FNDC3B: variants seen among roughly 807,000 people sequenced by gnomAD.
The protein encoded by FNDC3B is fibronectin type III domain-containing protein 3B.
A neutral mutation model predicts 151.5 loss-of-function variants in FNDC3B; 12 were observed. The ratio of observed to expected loss-of-function variants is 0.08; its 90% CI spans 0.05 to 0.13. The LOEUF is 0.13. Among genes scored for constraint, FNDC3B ranks in the 10% least tolerant of loss-of-function variants. The pLI is 1.00. For synonymous variants in FNDC3B, 528 were observed against 549.0 expected (o/e 0.96, Z 0.54); for missense variants, 1,214 against 1,505.3 (o/e 0.81, Z 3.20).
chr3:172,345,301 G>A (rs753163699), intron 19 of FNDC3B, among the ~76,000 whole-genome samples: 32 of 152,196 alleles, frequency 2.1e-4, no homozygotes, highest in Non-Finnish European at 4.4e-5. Context: ...AAGATGGATA[G>A]TGATGAGCAC....
At chr3:172,188,002 T>TG (rs1327215573) in intron 3 of FNDC3B, among the ~76,000 whole-genome samples, 2 of 151,488 alleles carry the variant, frequency 1.3e-5, no homozygotes, top group Admixed American at 6.6e-5. Context: ...AGCAGTTTTT[T>TG]TTTTTTTTTT....
At chr3:172,116,648 A>C (rs1018424835) in intron 2 of FNDC3B, among the ~76,000 whole-genome samples, 1 of 152,074 alleles carries the variant, frequency 6.6e-6, no homozygotes, top group East Asian at 1.9e-4. Flanking sequence ...TCACTGCAAC[A>C]TCCACCTTCC....
intron 2 of FNDC3B, among the ~76,000 whole-genome samples, chr3:172,130,129 A>G (rs951606570): frequency 1.3e-5 from 2 of 152,136 alleles, no homozygotes; most frequent in African/African-American, 4.8e-5. Flanking sequence ...CAGCTCATTC[A>G]TGTCTGCTGT....
At chr3:172,286,515 C>A (rs1730026317) in intron 7 of FNDC3B, among the ~76,000 whole-genome samples, 1 of 152,142 alleles carries the variant, frequency 6.6e-6, no homozygotes, top group Non-Finnish European at 1.5e-5. Flanking sequence ...GTTGATTCAG[C>A]CTTTCATCTG....
intron 5 of FNDC3B, among the ~76,000 whole-genome samples, chr3:172,250,374 A>G (rs1339532258): frequency 6.6e-6 from 1 of 152,090 alleles, no homozygotes; most frequent in Non-Finnish European, 1.5e-5. Context: ...ATTTCCCCTG[A>G]TTCTGTGAGC....
At chr3:172,234,832 C>T (rs1276390569) in intron 4 of FNDC3B, among the ~76,000 whole-genome samples, 1 of 151,938 alleles carries the variant, frequency 6.6e-6, no homozygotes, top group Non-Finnish European at 1.5e-5. Context: ...AGAAAAATAC[C>T]TTTTTCTGAC....
intron 5 of FNDC3B, among the ~76,000 whole-genome samples, chr3:172,249,406 C>T (rs1359670654): frequency 6.6e-6 from 1 of 152,046 alleles, no homozygotes; most frequent in Non-Finnish European, 1.5e-5. Context: ...GGGTCTAATT[C>T]CATTAAAATA....
chr3:172,204,424 T>A (rs1026368705), intron 3 of FNDC3B, among the ~76,000 whole-genome samples: 1 of 152,204 alleles, frequency 6.6e-6, no homozygotes, highest in Non-Finnish European at 1.5e-5. Flanking sequence ...TTATTTCTCC[T>A]GAGCAAAATA....
At chr3:172,297,476 A>G (rs984205255) in intron 8 of FNDC3B, among the ~76,000 whole-genome samples, 4 of 151,344 alleles carry the variant, frequency 2.6e-5, no homozygotes, top group South Asian at 2.1e-4. Flanking sequence ...ATTTTTTTCC[A>G]TAAGTGTTTT....
At chr3:172,044,947 T>A (rs961740445) in intron 1 of FNDC3B, among the ~76,000 whole-genome samples, 1 of 152,234 alleles carries the variant, frequency 6.6e-6, no homozygotes. Context: ...ACTTTCTAGC[T>A]GGGTCCTTGA....
At position 172,053,277 on chromosome 3, in the gene FNDC3B, A is replaced by G. The variant is rs1405295823; in HGVS notation, c.-29+13506A>G. Among the ~76,000 whole-genome samples, 2 of 152,242 alleles carry G rather than the reference A, an allele frequency of 1.3e-5. 1 individual carries two copies. The highest frequency in any genetic ancestry group is 1.3e-4 in the Admixed American group (2 of 15,284). On this transcript the variant is annotated intron_variant, in intron 1 of 25. Transcript: ENST00000415807. ...AAGATGAGAAGGCATACTCAAAAAC[A>G]TTAAAAAACTTTCCTAAGTCACTTA...
chr3:172,362,983 C>T (rs555686369), intron 23 of FNDC3B, 138 bp downstream of exon 23: 8 of 654,564 alleles, frequency 1.2e-5, no homozygotes, highest in African/African-American at 5.5e-5. Context: ...TTGAGCCCTG[C>T]GTTTTATACC....
At chr3:172,380,937 GA>G (rs1335103955) in intron 24 of FNDC3B, 28 bp from the exon 25 acceptor site, 1 of 1,610,020 alleles carries the variant, frequency 6.2e-7, no homozygotes, top group African/African-American at 1.3e-5. Context: ...TTTGAATTTT[GA>G]GCTTGGATGT....
intron 3 of FNDC3B, among the ~76,000 whole-genome samples, chr3:172,192,746 T>TA (rs1724594453): frequency 6.6e-6 from 1 of 152,056 alleles, no homozygotes; most frequent in Admixed American, 6.6e-5. Context: ...TATATATATA[T>TA]TTTTTACCTC....
At chr3:172,071,127 A>G (rs539106593) in intron 1 of FNDC3B, among the ~76,000 whole-genome samples, 1 of 152,332 alleles carries the variant, frequency 6.6e-6, no homozygotes, top group Non-Finnish European at 1.5e-5. Context: ...AGACTTAATT[A>G]TTCAATTAAA....
intron 6 of FNDC3B, among the ~76,000 whole-genome samples, chr3:172,256,970 G>A (rs912108752): frequency 2.6e-5 from 4 of 150,972 alleles, no homozygotes; most frequent in Admixed American, 6.6e-5. Flanking sequence ...TGGCTCTGTC[G>A]CCCAGGCTGG....
At chr3:172,323,318 G>T (rs1576910807) in intron 11 of FNDC3B, among the ~76,000 whole-genome samples, 1 of 151,970 alleles carries the variant, frequency 6.6e-6, no homozygotes, top group Non-Finnish European at 1.5e-5. Flanking sequence ...TGAGGCCAGG[G>T]GTTCGAGATC....
intron 22 of FNDC3B, 92 bp from the exon 23 acceptor site, chr3:172,362,541 A>G (rs1576947073): frequency 1.1e-6 from 1 of 952,316 alleles, no homozygotes; most frequent in South Asian, 1.5e-5. Context: ...TTTAGGGACA[A>G]GTAATAAATA....
intron 6 of FNDC3B, among the ~76,000 whole-genome samples, chr3:172,253,133 T>C (rs1304714394): frequency 6.6e-6 from 1 of 152,250 alleles, no homozygotes; most frequent in African/African-American, 2.4e-5. Flanking sequence ...ATTACTTGAC[T>C]CATTCTTTAA....
Sources: allele counts gnomAD v4.1 joint callset (sites outside exome capture counted in the v4.1 genomes callset), GRCh38; gene constraint gnomAD v4.1.1; transcripts MANE v1.5; gene names NCBI Gene and HGNC (gene_info 2026-07-23, HGNC 2026-07-21).